The following SLC2A12 variants were observed in gnomAD, a reference collection of about 807,000 sequenced individuals.
The protein encoded by SLC2A12 is solute carrier family 2, facilitated glucose transporter member 12.
SLC2A12 carries 23 observed loss-of-function variants against 41.8 expected under a neutral mutation model. That is an observed-to-expected ratio of 0.55 (90% CI 0.40 to 0.78). The LOEUF (loss-of-function observed/expected upper bound fraction) is 0.78, where lower values mean the gene tolerates loss of function less well. Among genes scored for constraint, SLC2A12 ranks in the 30% least tolerant of loss-of-function variants. The pLI is 0.00. For missense variants in SLC2A12, 654 were observed against 745.6 expected (o/e 0.88, Z 1.43); for synonymous variants, 295 against 285.9 (o/e 1.03, Z -0.32).
At chr6:134,048,895 T>G (rs1773628483) in intron 1 of SLC2A12, among the ~76,000 whole-genome samples, 1 of 152,156 alleles carries the variant, frequency 6.6e-6, no homozygotes, top group South Asian at 2.1e-4. Context: ...AAGGATGAGT[T>G]TGTTTCCAAG....
intron 2 of SLC2A12, among the ~76,000 whole-genome samples, chr6:134,010,971 G>A (rs1776874050): frequency 6.6e-6 from 1 of 152,012 alleles, no homozygotes; most frequent in African/African-American, 2.4e-5. Context: ...AGCTCTCCAG[G>A]CACACTTTCT....
intron 1 of SLC2A12, among the ~76,000 whole-genome samples, chr6:134,041,736 C>A (rs1777384100): frequency 6.6e-6 from 1 of 152,200 alleles, no homozygotes; most frequent in Non-Finnish European, 1.5e-5. Flanking sequence ...ATTTTATTTA[C>A]TGTTAAATCC....
At chr6:134,015,795 G>C (rs925893727) in intron 2 of SLC2A12, among the ~76,000 whole-genome samples, 1 of 152,116 alleles carries the variant, frequency 6.6e-6, no homozygotes. Flanking sequence ...CACATCCTTG[G>C]AGCTGTCATA....
chr6:134,052,453 G>C lies in SLC2A12; in HGVS notation c.28C>G (p.Pro10Ala). Reference protein sequence around the residue: MVPVENTEGPSLLNQKGTAV... With the variant: MVPVENTEGASLLNQKGTAV... ...GTCCCCTTCTGGTTCAGCAGACTGG[G>C]GCCCTCGGTGTTTTCAACAGGTACC... is the stretch of plus-strand genomic sequence containing the variant. Residue 10 changes from proline (P) to alanine (A), a missense_variant, in exon 1 of 5, where the codon CCC (proline) becomes GCC (alanine). Pro to Ala is a conservative substitution (Grantham distance 27). Coordinates refer to ENST00000275230, the MANE Select transcript of SLC2A12 (RefSeq NM_145176.3). 6.2e-7 allele frequency: 1 copy of C among 1,613,418 alleles called. No homozygotes were observed. The highest frequency in any genetic ancestry group is 1.7e-4 in the Middle Eastern group (1 of 6,060).
intron 1 of SLC2A12, among the ~76,000 whole-genome samples, chr6:134,047,829 C>T (rs896570326): frequency 5.3e-5 from 8 of 152,232 alleles, no homozygotes; most frequent in African/African-American, 1.9e-4. Context: ...ACCAGCTAAT[C>T]TCAGCCTGCT....
At chr6:134,001,094 A>T (rs989417159) in intron 4 of SLC2A12, among the ~76,000 whole-genome samples, 2 of 143,272 alleles carry the variant, frequency 1.4e-5, no homozygotes, top group African/African-American at 2.5e-5. Flanking sequence ...AGGCGGAAGA[A>T]GTTCTGAGAT....
At chr6:134,028,302 C>A in intron 2 of SLC2A12, 79 bp downstream of exon 2, 1 of 1,492,660 alleles carries the variant, frequency 6.7e-7, no homozygotes, top group Non-Finnish European at 8.9e-7. Flanking sequence ...TTCCTTCTAG[C>A]ACTTATGTTC....
chr6:133,991,366 T>A, intron 4 of SLC2A12, 58 bp from the exon 5 acceptor site: 2 of 1,564,640 alleles, frequency 1.3e-6, no homozygotes, highest in Non-Finnish European at 1.7e-6. Flanking sequence ...GAAAAAAATG[T>A]GTAGGCTATT....
At chr6:133,993,342 AT>A (rs1451775763) in intron 4 of SLC2A12, among the ~76,000 whole-genome samples, 6 of 152,172 alleles carry the variant, frequency 3.9e-5, no homozygotes, top group Non-Finnish European at 8.8e-5. Context: ...ATCTCACAAT[AT>A]CTCCAAATCC....
chr6:134,014,763 A>G (rs941767262), intron 2 of SLC2A12, among the ~76,000 whole-genome samples: 2 of 152,214 alleles, frequency 1.3e-5, no homozygotes, highest in Non-Finnish European at 2.9e-5. Context: ...CTGTAATTGG[A>G]GTATAGACTG....
intron 2 of SLC2A12, among the ~76,000 whole-genome samples, chr6:134,023,325 C>G (rs9389130): frequency 0.24 from 36,682 of 151,892 alleles, 4,804 homozygotes; most frequent in East Asian, 0.41. Context: ...ATAAAAGCAA[C>G]AGCCGTTGTG....
chr6:134,035,554 A>G lies in SLC2A12; in HGVS notation c.104-5833T>C, dbSNP rs1329335262. 3.3e-5 allele frequency among the ~76,000 whole-genome samples: 5 copies of G among 152,282 alleles called. No individual in the cohort carries two copies. The East Asian group carries it at 7.7e-4, about 24-fold the overall frequency. ...TTTCTTCATCAAACCTAAGCATAAA[A>G]TCAGACATTTTTCCCTGAGTCTTTA... On this transcript the variant is annotated intron_variant, in intron 1 of 4. Coordinates refer to ENST00000275230, the MANE Select transcript of SLC2A12 (RefSeq NM_145176.3).
At chr6:134,019,838 A>G (rs1417788872) in intron 2 of SLC2A12, among the ~76,000 whole-genome samples, 8 of 152,190 alleles carry the variant, frequency 5.3e-5, no homozygotes, top group Admixed American at 5.2e-4. Context: ...CCTGGCCAAT[A>G]TGGTAAAACC....
At chr6:134,000,337 A>C (rs1257884273) in intron 4 of SLC2A12, among the ~76,000 whole-genome samples, 1 of 152,212 alleles carries the variant, frequency 6.6e-6, no homozygotes. Context: ...AATTTTCCAC[A>C]ATCCTACTTA....
chr6:134,025,280 A>G (rs144186166), intron 2 of SLC2A12, among the ~76,000 whole-genome samples: 63 of 152,348 alleles, frequency 4.1e-4, no homozygotes, highest in African/African-American at 1.5e-3. Context: ...GAATTTCAGA[A>G]GATAAAACAT....
chr6:133,997,008 A>C (rs1365086017), intron 4 of SLC2A12, among the ~76,000 whole-genome samples: 1 of 149,316 alleles, frequency 6.7e-6, no homozygotes, highest in Non-Finnish European at 1.5e-5. Flanking sequence ...CCAGGAGGCA[A>C]AGGCGGGCAG....
intron 3 of SLC2A12, among the ~76,000 whole-genome samples, chr6:134,004,930 G>C (rs1422615507): frequency 6.6e-6 from 1 of 152,132 alleles, no homozygotes; most frequent in East Asian, 1.9e-4. Flanking sequence ...CCTCCTGTTG[G>C]CAGTTCACAC....
intron 2 of SLC2A12, among the ~76,000 whole-genome samples, chr6:134,017,696 CA>C (rs1199689483): frequency 6.6e-6 from 1 of 151,356 alleles, no homozygotes; most frequent in Non-Finnish European, 1.5e-5. Context: ...ACTAAAAATA[CA>C]AAAAAAATTA....
intron 2 of SLC2A12, among the ~76,000 whole-genome samples, chr6:134,025,945 T>G (rs564491859): frequency 2.0e-5 from 3 of 152,304 alleles, no homozygotes; most frequent in Admixed American, 2.0e-4. Context: ...GACTGGAAGA[T>G]TTGCTGCATT....
Sources: allele counts gnomAD v4.1 joint callset (sites outside exome capture counted in the v4.1 genomes callset), GRCh38; gene constraint gnomAD v4.1.1; transcripts MANE v1.5; gene names NCBI Gene and HGNC (gene_info 2026-07-23, HGNC 2026-07-21).